Variants in ATP13A4 observed in about 807,000 individuals in gnomAD.
The protein encoded by ATP13A4 is ATPase 13A4.
A neutral mutation model predicts 142.5 loss-of-function variants in ATP13A4; 114 were observed. The ratio of observed to expected loss-of-function variants is 0.80; its 90% CI spans 0.69 to 0.93. The LOEUF (loss-of-function observed/expected upper bound fraction) is 0.93. ATP13A4 is among the 40% of genes least tolerant of loss of function. ATP13A4 has a pLI of 0.00. For synonymous variants in ATP13A4, 488 were observed against 514.8 expected (o/e 0.95, Z 0.70); for missense variants, 1,392 against 1,454.0 (o/e 0.96, Z 0.69).
intron 25 of ATP13A4, among the ~76,000 whole-genome samples, chr3:193,423,770 A>T (rs920927606): frequency 6.7e-6 from 1 of 149,682 alleles, no homozygotes; most frequent in Non-Finnish European, 1.5e-5. Context: ...CTGGAACAAG[A>T]AAAGGATGCC....
intron 20 of ATP13A4, 105 bp from the exon 21 acceptor site, chr3:193,440,742 A>AG (rs1716583263): frequency 8.0e-7 from 1 of 1,255,382 alleles, no homozygotes; most frequent in South Asian, 1.3e-5. Flanking sequence ...CTTACGATGA[A>AG]GAAAAAAAAA....
At chr3:193,470,802 C>A in intron 9 of ATP13A4, 57 bp downstream of exon 9, 1 of 1,612,024 alleles carries the variant, frequency 6.2e-7, no homozygotes, top group Admixed American at 1.7e-5. Flanking sequence ...GGGACCATAG[C>A]AGCGTGGAGT....
intron 7 of ATP13A4, among the ~76,000 whole-genome samples, chr3:193,485,481 T>A (rs552990165): frequency 1.1e-4 from 16 of 152,138 alleles, no homozygotes; most frequent in Admixed American, 2.0e-4. Flanking sequence ...CGCACAAGTG[T>A]ACAGTGGAGA....
intron 8 of ATP13A4, among the ~76,000 whole-genome samples, chr3:193,478,232 A>G (rs1719080970): frequency 1.3e-5 from 2 of 151,892 alleles, no homozygotes; most frequent in South Asian, 4.1e-4. Flanking sequence ...ACAAGAATAA[A>G]CCATACCCAA....
At chr3:193,463,641 C>G (rs1227926233) in intron 12 of ATP13A4, among the ~76,000 whole-genome samples, 2 of 151,960 alleles carry the variant, frequency 1.3e-5, no homozygotes, top group Non-Finnish European at 2.9e-5. Context: ...ATCTAGCATA[C>G]AGTAAAAGCT....
At chr3:193,422,336 C>A (rs1715447484) in intron 25 of ATP13A4, among the ~76,000 whole-genome samples, 1 of 149,836 alleles carries the variant, frequency 6.7e-6, no homozygotes, top group South Asian at 2.1e-4. Flanking sequence ...ATAAAATTGA[C>A]AAGAAAATAT....
intron 7 of ATP13A4, among the ~76,000 whole-genome samples, chr3:193,489,144 C>G (rs535196183): frequency 2.6e-5 from 4 of 152,138 alleles, no homozygotes; most frequent in Middle Eastern, 3.2e-3. Context: ...GGCTTGAAAC[C>G]TTAATTTCAG....
intron 2 of ATP13A4, among the ~76,000 whole-genome samples, chr3:193,560,731 G>GA (rs1307165981): frequency 1.3e-5 from 2 of 152,218 alleles, no homozygotes; most frequent in Non-Finnish European, 2.9e-5. Flanking sequence ...CCACTGGGGT[G>GA]AAAATCTGTG....
rs565727905 is a variant in ATP13A4, at chr3:193,455,336, G to A, written c.1916-1124C>T. ...AGCCTGGGCAACAGAGCGAGACTCCGTCTCAAAAAAAAAAAAAAAAAAAAA... is the reference window on the plus strand; with the variant it reads ...AGCCTGGGCAACAGAGCGAGACTCCATCTCAAAAAAAAAAAAAAAAAAAAA... On this transcript the variant is annotated intron_variant, in intron 16 of 29. Coordinates refer to ENST00000342695, the MANE Select transcript of ATP13A4 (RefSeq NM_032279.4). Among the ~76,000 whole-genome samples the A allele has an allele frequency of 4.8e-3, 440 of 92,600 alleles. 1 individual carries two copies. The highest frequency in any genetic ancestry group is 0.019 in the African/African-American group (425 of 22,916). The allele number at this position is 92,600 out of a possible 152,430, so 60.7% of individuals were successfully genotyped here. A position where few individuals can be genotyped will look rare whatever the true frequency, so the allele number is the denominator to read the frequency against.
At chr3:193,445,170 G>A (rs1438089606) in intron 18 of ATP13A4, among the ~76,000 whole-genome samples, 1 of 152,146 alleles carries the variant, frequency 6.6e-6, no homozygotes, top group Non-Finnish European at 1.5e-5. Flanking sequence ...AGGCGCAGTG[G>A]CTCACACCTG....
At chr3:193,571,169 T>G (rs1724255760) in intron 2 of ATP13A4, among the ~76,000 whole-genome samples, 2 of 151,688 alleles carry the variant, frequency 1.3e-5, no homozygotes, top group South Asian at 4.2e-4. Context: ...TCCCACCTAT[T>G]CAAGAGGCTG....
At chr3:193,435,593 G>C in intron 24 of ATP13A4, 55 bp downstream of exon 24, 5 of 1,348,344 alleles carry the variant, frequency 3.7e-6, no homozygotes, top group Non-Finnish European at 5.3e-6. Flanking sequence ...AATTGAGAGT[G>C]CACCGCTACT....
At chr3:193,489,624 C>G in intron 7 of ATP13A4, 106 bp downstream of exon 7, 1 of 1,256,380 alleles carries the variant, frequency 8.0e-7, no homozygotes. Flanking sequence ...CTCTCATTTA[C>G]TACGGAGTAG....
In ATP13A4 at chr3:193,582,677, ATATAT is replaced by A. The variant is rs1444808699; in HGVS notation, n.92-776_92-772del. 4.5e-4 allele frequency among the ~76,000 whole-genome samples: 28 copies of A among 62,176 alleles called. 7 individuals carry two copies. The highest frequency in any genetic ancestry group is 7.6e-4 in the Non-Finnish European group (28 of 36,654). 40.8% of individuals were successfully genotyped at this position (62,176 alleles called of 152,430 possible). ...CATACATTATATATGTATATTACAT[ATATAT>A]TATATATGTGTATAACATATATAAT... On this transcript the variant is annotated intron_variant and non_coding_transcript_variant, in intron 1 of 3. Coordinates refer to the ATP13A4 transcript ENST00000489140.
intron 1 of ATP13A4, among the ~76,000 whole-genome samples, chr3:193,536,572 A>T (rs768174351): frequency 6.6e-6 from 1 of 152,082 alleles, no homozygotes; most frequent in Non-Finnish European, 1.5e-5. Context: ...ATTCCCCATA[A>T]TATCAGGAAC....
At chr3:193,432,284 A>G (rs955960388) in intron 25 of ATP13A4, among the ~76,000 whole-genome samples, 5 of 152,074 alleles carry the variant, frequency 3.3e-5, no homozygotes, top group African/African-American at 4.8e-5. Context: ...TATGTGAAGC[A>G]ACAAGGACTC....
chr3:193,487,871 C>T (rs993680762), intron 7 of ATP13A4, among the ~76,000 whole-genome samples: 9 of 152,044 alleles, frequency 5.9e-5, no homozygotes, highest in African/African-American at 2.2e-4. Flanking sequence ...TAGAAACAAC[C>T]AAATACATAT....
chr3:193,435,598 G>A lies in ATP13A4; in HGVS notation c.2769+50C>T, dbSNP rs375997541. The A allele has an allele frequency of 2.9e-4, 411 of 1,422,472 alleles. 1 individual carries two copies. The highest frequency in any genetic ancestry group is 3.8e-4 in the Non-Finnish European group (387 of 1,006,598). The allele number at this position is 1,422,472 out of a possible 1,614,324, so 88.1% of individuals were successfully genotyped here. A position where few individuals can be genotyped will look rare whatever the true frequency, so the allele number is the denominator to read the frequency against. On this transcript the variant is annotated intron_variant, in intron 24 of 29. Coordinates refer to ENST00000342695, the MANE Select transcript of ATP13A4 (RefSeq NM_032279.4). ...AGGCATTGTAAATTGAGAGTGCACC[G>A]CTACTTGTTTTAGTTCACACTAACC...
At chr3:193,569,696 TA>T (rs202189312) in intron 2 of ATP13A4, among the ~76,000 whole-genome samples, 51 of 150,644 alleles carry the variant, frequency 3.4e-4, no homozygotes, top group African/African-American at 1.2e-3. Flanking sequence ...CTCAGCTAAT[TA>T]AAAAAAAAAT....
Sources: allele counts gnomAD v4.1 joint callset (sites outside exome capture counted in the v4.1 genomes callset), GRCh38; gene constraint gnomAD v4.1.1; transcripts MANE v1.5; gene names NCBI Gene and HGNC (gene_info 2026-07-23, HGNC 2026-07-21).